DAG1: variants seen among roughly 807,000 people sequenced by gnomAD.
DAG1 encodes the protein dystroglycan 1, also known as dystroglycan 1 (dystrophin-associated glycoprotein 1).
DAG1 carries 8 observed loss-of-function variants against 46.1 expected under a neutral mutation model. The ratio of observed to expected loss-of-function variants is 0.17; its 90% CI spans 0.10 to 0.31. The LOEUF (loss-of-function observed/expected upper bound fraction) is 0.31. Among genes scored for constraint, DAG1 ranks in the 10% least tolerant of loss-of-function variants. DAG1 has a pLI of 1.00. For missense variants in DAG1, 1,003 were observed against 1,189.9 expected, an observed-to-expected ratio of 0.84 and a Z score of 2.31; for synonymous variants, 495 against 481.8, an observed-to-expected ratio of 1.03 and a Z score of -0.36.
At chr3:49,477,942 A>G (rs1407411481) in intron 1 of DAG1, among the ~76,000 whole-genome samples, 2 of 149,388 alleles carry the variant, frequency 1.3e-5, no homozygotes, top group Non-Finnish European at 3.0e-5. Flanking sequence ...AGCCTGGGCA[A>G]CAAGAGTGAA....
At chr3:49,475,404 A>G (rs1173322867) in intron 1 of DAG1, among the ~76,000 whole-genome samples, 1 of 138,522 alleles carries the variant, frequency 7.2e-6, no homozygotes, top group East Asian at 2.0e-4. Context: ...TCACCTGGCC[A>G]GCTTTTTTTT....
Position 49,531,998 on chromosome 3 carries a change from G to A in DAG1, c.1487G>A (p.Arg496His), listed in dbSNP as rs199519832. 10 of 1,614,018 alleles carry A rather than the reference G, an allele frequency of 6.2e-6. No homozygotes were observed. The highest frequency in any genetic ancestry group is 5.5e-5 in the South Asian group (5 of 91,078). Reference protein sequence around the residue: ...GVPRGGEPNQRPELKNHIDRV... With the variant: ...GVPRGGEPNQHPELKNHIDRV... ...CCCCGTGGCGGAGAACCCAACCAGC[G>A]CCCAGAGCTCAAGAACCATATTGAC... is the stretch of plus-strand genomic sequence containing the variant. Residue 496 changes from arginine (R) to histidine (H), a missense_variant, in exon 3 of 3, where the codon CGC becomes CAC. This residue lies in a region of DAG1 where 755 missense variants were observed against 854.1 expected (regional missense o/e 0.88). Coordinates refer to ENST00000308775, the MANE Select transcript of DAG1 (RefSeq NM_004393.6). This position sits in a 1 kb window ranked among gnomAD's most constrained non-coding sequence, Gnocchi z 7.0.
At chr3:49,496,526 T>C (rs528662943) in intron 1 of DAG1, among the ~76,000 whole-genome samples, 1 of 151,020 alleles carries the variant, frequency 6.6e-6, no homozygotes, top group South Asian at 2.1e-4. Context: ...CCTGGCTAAT[T>C]TTTTTTTGTA....
chr3:49,524,155 C>A (rs2051108039), intron 2 of DAG1, among the ~76,000 whole-genome samples: 1 of 152,166 alleles, frequency 6.6e-6, no homozygotes, highest in African/African-American at 2.4e-5. Context: ...TCCCCTAGCA[C>A]CTCCGGGATG....
At chr3:49,495,706 T>C (rs7371895) in intron 1 of DAG1, among the ~76,000 whole-genome samples, 63,303 of 151,814 alleles carry the variant, frequency 0.42, 14,860 homozygotes, top group East Asian at 0.93. Context: ...CGGATCACAA[T>C]GTCAGGAGTT....
At position 49,532,470 on chromosome 3, in the gene DAG1, C is replaced by G; in HGVS notation, c.1959C>G (p.Gly653=). Residue 653 remains glycine, a synonymous_variant, in exon 3 of 3, where the codon GGC becomes GGG. Transcript: ENST00000308775. The surrounding 1 kb of genome is among the most constrained non-coding windows in gnomAD (Gnocchi z 5.4). ...TCACCCTGCAGAATATCACCCGGGG[C>G]TCCATCGTGGTGGAATGGACCAACA... is the stretch of plus-strand genomic sequence containing the variant. The part of the protein sequence containing the change: ...STITLQNITR[G]SIVVEWTNNT... 1 of 1,614,230 alleles carries G rather than the reference C, an allele frequency of 6.2e-7. No homozygotes were observed. The highest frequency in any genetic ancestry group is 8.5e-7 in the Non-Finnish European group (1 of 1,180,038).
intron 1 of DAG1, among the ~76,000 whole-genome samples, chr3:49,486,186 T>TTTTATTTGTTTA (rs2050019730): frequency 2.1e-5 from 3 of 145,118 alleles, no homozygotes; most frequent in Non-Finnish European, 3.0e-5. Context: ...TTTCTTTTTC[T>TTTTATTTGTTTA]TTTATTTATT....
In DAG1 at chr3:49,484,127, G is replaced by T. The variant is rs189492954; in HGVS notation, c.-117+13694G>T. Reference sequence around the variant, plus strand: ...TAGGATTCCTGTCTGACTCTCTTCTGCTTTGGGTTTGTGCTACCAGCTGTT... The same window carrying T: ...TAGGATTCCTGTCTGACTCTCTTCTTCTTTGGGTTTGTGCTACCAGCTGTT... On this transcript the variant is annotated intron_variant, in intron 1 of 2. Transcript: ENST00000308775. 1.2e-3 allele frequency among the ~76,000 whole-genome samples: 189 copies of T among 152,278 alleles called. 2 individuals are homozygous for T. Among genetic ancestry groups the T allele is most frequent in the Middle Eastern group, 3.4e-3 (1 of 294 alleles).
intron 2 of DAG1, among the ~76,000 whole-genome samples, chr3:49,514,407 A>G (rs1014079015): frequency 2.6e-5 from 4 of 152,236 alleles, no homozygotes; most frequent in Admixed American, 1.3e-4. Flanking sequence ...AGAGATGGTC[A>G]TGCCACATAC....
At position 49,533,580 on chromosome 3, in the gene DAG1, A is replaced by C; in HGVS notation, c.*381A>C. 2.5e-6 allele frequency: 1 copy of C among 406,418 alleles called. No individual in the cohort carries two copies. The highest frequency in any genetic ancestry group is 4.7e-6 in the Non-Finnish European group (1 of 213,394). The allele number at this position is 406,418 out of a possible 1,614,324, so 25.2% of individuals were successfully genotyped here. ...TGGCTCTCTGCGTTTTGCCTTTAAC[A>C]CTAACTGTACTGTTTTTTCTATTCA... On this transcript the variant is annotated 3_prime_UTR_variant, in exon 3 of 3. Transcript: ENST00000308775.
intron 1 of DAG1, among the ~76,000 whole-genome samples, chr3:49,509,825 T>A (rs1282299748): frequency 6.6e-6 from 1 of 152,008 alleles, no homozygotes; most frequent in Non-Finnish European, 1.5e-5. Context: ...ACCTCCCGGG[T>A]TCAAGTGATT....
chr3:49,508,404 A>G (rs541231421), intron 1 of DAG1, among the ~76,000 whole-genome samples: 2 of 150,876 alleles, frequency 1.3e-5, no homozygotes, highest in South Asian at 2.1e-4. Flanking sequence ...ATATGTATGT[A>G]TGTGTTGTTT....
chr3:49,492,462 C>T (rs965226041), intron 1 of DAG1, among the ~76,000 whole-genome samples: 1 of 151,962 alleles, frequency 6.6e-6, no homozygotes, highest in Non-Finnish European at 1.5e-5. Flanking sequence ...GCCTGGGCAA[C>T]GTGGTAAGGC....
chr3:49,504,855 C>G (rs2050558836), intron 1 of DAG1, among the ~76,000 whole-genome samples: 2 of 148,038 alleles, frequency 1.4e-5, no homozygotes, highest in South Asian at 4.3e-4. Context: ...TCGTGATCCA[C>G]CCGCCTCGGC....
intron 1 of DAG1, among the ~76,000 whole-genome samples, chr3:49,486,741 G>C (rs749723023): frequency 1.3e-5 from 2 of 152,126 alleles, no homozygotes; most frequent in African/African-American, 2.4e-5. Context: ...GACCTCGGGT[G>C]ATCTGCCCAC....
intron 1 of DAG1, among the ~76,000 whole-genome samples, chr3:49,505,981 CT>C (rs71080528): frequency 0.14 from 17,509 of 127,854 alleles, 1,181 homozygotes; most frequent in Non-Finnish European, 0.17. Flanking sequence ...ATTTTTTTTT[CT>C]TTTTTTTTTT....
chr3:49,470,996 T>G (rs1318454090), intron 1 of DAG1: 1 of 152,248 alleles, frequency 6.6e-6, no homozygotes, highest in Non-Finnish European at 1.5e-5. Flanking sequence ...ATTTGGATAG[T>G]GTCTCCACAG....
intron 1 of DAG1, among the ~76,000 whole-genome samples, chr3:49,497,790 T>C (rs2050354270): frequency 1.3e-5 from 2 of 152,214 alleles, no homozygotes; most frequent in African/African-American, 4.8e-5. Context: ...TTACGTACCA[T>C]GTTAAAATCT....
In DAG1 at chr3:49,533,916, C is replaced by CT. The variant is rs1363570523; in HGVS notation, c.*718dup. The CT allele has an allele frequency of 6.1e-6, 1 of 164,108 alleles. No homozygotes were observed. Among genetic ancestry groups the CT allele is most frequent in the East Asian group, 1.8e-4 (1 of 5,548 alleles). The allele number at this position is 164,108 out of a possible 1,614,324, so 10.2% of individuals were successfully genotyped here. ...CCCGGCCCTGGCTCACGCCAAGTCCCTGGTGCTGGGTTTGCTCTCCCGCTG... is the reference window on the plus strand; with the variant it reads ...CCCGGCCCTGGCTCACGCCAAGTCCCTTGGTGCTGGGTTTGCTCTCCCGCTG... On this transcript the variant is annotated 3_prime_UTR_variant, in exon 3 of 3. Transcript: ENST00000308775.
Sources: allele counts gnomAD v4.1 joint callset (sites outside exome capture counted in the v4.1 genomes callset), GRCh38; gene constraint gnomAD v4.1.1; regional missense constraint gnomAD v4.1.1; non-coding constraint Gnocchi (gnomAD v3.1); transcripts MANE v1.5; gene names NCBI Gene and HGNC (gene_info 2026-07-23, HGNC 2026-07-21).